The following OGFOD3 variants were observed in gnomAD, a reference collection of about 807,000 sequenced individuals.
OGFOD3 encodes the protein 2-oxoglutarate and iron dependent oxygenase domain containing 3, also known as 2-oxoglutarate and iron-dependent oxygenase domain-containing protein 3.
Under a neutral mutation model 39.8 loss-of-function variants are expected in OGFOD3, and 35 were observed. That is an observed-to-expected ratio of 0.88 (90% confidence interval 0.67 to 1.17). OGFOD3 has a LOEUF of 1.17. Ranked by LOEUF, OGFOD3 falls within the 50% of genes most tolerant of loss-of-function variation. The pLI is 0.00. For missense variants in OGFOD3, 438 were observed against 454.5 expected, an observed-to-expected ratio of 0.96 and a Z score of 0.33; for synonymous variants, 200 against 192.0, an observed-to-expected ratio of 1.04 and a Z score of -0.34.
intron 5 of OGFOD3, among the ~76,000 whole-genome samples, 158 bp from the exon 6 acceptor site, chr17:82,405,538 G>A (rs2052841852): frequency 6.6e-6 from 1 of 152,258 alleles, no homozygotes. Context: ...AGCCGGGCCG[G>A]GCGCAGTGGC....
chr17:82,398,241 T>C lies in OGFOD3; in HGVS notation c.778A>G (p.Met260Val), dbSNP rs140095785. Reference sequence around the variant, plus strand: ...TTGTTGGCACCCTCCTCCATGAACATGAACCGCCCTCCGCCGAAGTCCTCC... The same window carrying C: ...TTGTTGGCACCCTCCTCCATGAACACGAACCGCCCTCCGCCGAAGTCCTCC... ...YLEDFGGGRFMFMEEGANKTV... is the reference protein window; with the variant it reads ...YLEDFGGGRFVFMEEGANKTV... Residue 260 changes from methionine (M) to valine (V), a missense_variant, in exon 8 of 9, where the codon ATG (methionine) becomes GTG (valine). By Grantham distance (21) the Met-to-Val change is conservative (BLOSUM62 1). Coordinates refer to ENST00000313056, the MANE Select transcript of OGFOD3 (RefSeq NM_024648.3). 123 of 1,613,956 alleles carry C rather than the reference T, an allele frequency of 7.6e-5. No individual in the cohort carries two copies. The highest frequency in any genetic ancestry group is 9.4e-5 in the Non-Finnish European group (111 of 1,180,008).
rs1316214613 is a variant in OGFOD3, at chr17:82,415,551, C to T, written c.151G>A (p.Ala51Thr). The stretch of plus-strand genomic sequence containing the variant: ...AGGAGTGCGGTGAGCACAAAGCCAG[C>T]CCCCAGGCCCGCGGTCCTTAGCCAC... ...RPWLRTAGLGAGFVLTALLLW... is the reference protein window; with the variant it reads ...RPWLRTAGLGTGFVLTALLLW... The change falls in exon 2 of 9, where the codon GCT becomes ACT. Residue 51 changes from alanine (A) to threonine (T), a missense_variant. By Grantham distance (58) the Ala-to-Thr change is moderately conservative. Coordinates refer to ENST00000313056, the MANE Select transcript of OGFOD3 (RefSeq NM_024648.3). The surrounding 1 kb of genome is among the most constrained non-coding windows in gnomAD (Gnocchi z 5.3). 3 of 1,613,258 alleles carry T rather than the reference C, an allele frequency of 1.9e-6. No individual in the cohort carries two copies. Among genetic ancestry groups the T allele is most frequent in the Admixed American group, 3.3e-5 (2 of 59,988 alleles).
chr17:82,403,805 A>ACTCACCCTGCCCACGGGCACG, intron 7 of OGFOD3, 132 bp downstream of exon 7: 1 of 1,220,816 alleles, frequency 8.2e-7, no homozygotes, highest in Non-Finnish European at 1.1e-6. Flanking sequence ...CCACGTACGC[A>ACTCACCCTGCCCACGGGCACG]CTCACCCTGC....
At chr17:82,411,572 A>G (rs369277308) in intron 2 of OGFOD3, 42 bp from the exon 3 acceptor site, 24 of 1,543,898 alleles carry the variant, frequency 1.6e-5, no homozygotes, top group Non-Finnish European at 2.1e-5. Flanking sequence ...TTCCAAGGCC[A>G]CCGGCGCATG....
rs770986419 is a variant in OGFOD3, at chr17:82,406,531, G to A, written c.424-49C>T. ...AGCGTGCAGCCGCAGCAATGGCAATGGCTGTTAAAAGTCATGGATGGTAAA... is the reference window on the plus strand; with the variant it reads ...AGCGTGCAGCCGCAGCAATGGCAATAGCTGTTAAAAGTCATGGATGGTAAA... On this transcript the variant is annotated intron_variant, in intron 4 of 8. Coordinates refer to ENST00000313056, the MANE Select transcript of OGFOD3 (RefSeq NM_024648.3). The surrounding 1 kb of genome is among the most constrained non-coding windows in gnomAD (Gnocchi z 5.2). 1 of 1,511,070 alleles carries A rather than the reference G, an allele frequency of 6.6e-7. No individual in the cohort carries two copies. Among genetic ancestry groups the A allele is most frequent in the Non-Finnish European group, 9.2e-7 (1 of 1,086,388 alleles). The allele number at this position is 1,511,070 out of a possible 1,614,324, so 93.6% of individuals were successfully genotyped here. A position where few individuals can be genotyped will look rare whatever the true frequency, so the allele number is the denominator to read the frequency against.
intron 8 of OGFOD3, 58 bp downstream of exon 8, chr17:82,398,137 AC>A: frequency 1.2e-6 from 2 of 1,606,378 alleles, no homozygotes; most frequent in Admixed American, 1.7e-5. Flanking sequence ...CGCCCCCCAC[AC>A]CCACCGTGCT....
chr17:82,394,743 C>T (rs2052646268), intron 8 of OGFOD3, among the ~76,000 whole-genome samples: 1 of 152,202 alleles, frequency 6.6e-6, no homozygotes, highest in African/African-American at 2.4e-5. Flanking sequence ...TCCACACTGA[C>T]AGTGTCACTT....
In OGFOD3 at chr17:82,392,226, TG is replaced by T; in HGVS notation, c.*171del. On this transcript the variant is annotated 3_prime_UTR_variant, in exon 9 of 9. Coordinates refer to ENST00000313056, the MANE Select transcript of OGFOD3 (RefSeq NM_024648.3). The surrounding 1 kb of genome is among the most constrained non-coding windows in gnomAD (Gnocchi z 4.2). ...ACATGATGCTGGAGAAGTGAAAAGC[TG>T]GTTCCCTTCATTTACTCACAGATGA... The T allele has an allele frequency of 1.3e-6, 1 of 750,298 alleles. No individual in the cohort carries two copies. 46.5% of individuals were successfully genotyped at this position (750,298 alleles called of 1,614,324 possible).
chr17:82,403,470 A>G (rs1486649766), intron 7 of OGFOD3, among the ~76,000 whole-genome samples: 4 of 152,150 alleles, frequency 2.6e-5, no homozygotes, highest in Admixed American at 6.5e-5. Flanking sequence ...CGTCTCTACT[A>G]AAAATACAAA....
intron 4 of OGFOD3, among the ~76,000 whole-genome samples, chr17:82,407,437 A>G (rs1049058751): frequency 1.8e-4 from 27 of 152,198 alleles, no homozygotes; most frequent in African/African-American, 5.5e-4. Context: ...AATGCCTCAC[A>G]GCGGTGCTCC....
chr17:82,392,460 C>T lies in OGFOD3; in HGVS notation c.898G>A (p.Ala300Thr), dbSNP rs34656422. The T allele has an allele frequency of 2.9e-5, 46 of 1,612,052 alleles. No homozygotes were observed. The Admixed American group carries it at 5.0e-4, about 18-fold the overall frequency. The stretch of plus-strand genomic sequence containing the variant: ...TTGCAGCTGAAGGCGATGGTGATGG[C>T]GTAACGGGTGCCCCAGTGGACCTTC... Reference protein sequence around the residue: ...VEKVHWGTRYAITIAFSCNPD... With the variant: ...VEKVHWGTRYTITIAFSCNPD... Residue 300 changes from alanine (A) to threonine (T), a missense_variant, in exon 9 of 9, where the codon GCC becomes ACC. Coordinates refer to ENST00000313056, the MANE Select transcript of OGFOD3 (RefSeq NM_024648.3). The surrounding 1 kb of genome is among the most constrained non-coding windows in gnomAD (Gnocchi z 4.2).
chr17:82,402,501 C>T (rs2052782910), intron 7 of OGFOD3, among the ~76,000 whole-genome samples: 1 of 151,656 alleles, frequency 6.6e-6, no homozygotes, highest in Non-Finnish European at 1.5e-5. Context: ...AATCCCAGCA[C>T]TTTGGGAGGC....
intron 2 of OGFOD3, among the ~76,000 whole-genome samples, chr17:82,414,194 C>G (rs1247295394): frequency 1.3e-5 from 2 of 152,148 alleles, no homozygotes; most frequent in African/African-American, 4.8e-5. Context: ...GTGGCACACT[C>G]TAGGTTCACT....
At position 82,392,158 on chromosome 17, in the gene OGFOD3, T is replaced by C; in HGVS notation, c.*240A>G. On this transcript the variant is annotated 3_prime_UTR_variant, in exon 9 of 9. Transcript: ENST00000313056. The surrounding 1 kb of genome is among the most constrained non-coding windows in gnomAD (Gnocchi z 4.2). ...TGTGCCCCGTCCTGCTGGGTCCCTT[T>C]CCTGGCCTCCACCTCAGGCTCCCAG... 5 of 573,932 alleles carry C rather than the reference T, an allele frequency of 8.7e-6. No homozygotes were observed. Among genetic ancestry groups the C allele is most frequent in the Non-Finnish European group, 1.5e-5 (5 of 325,962 alleles). 35.6% of individuals were successfully genotyped at this position (573,932 alleles called of 1,614,324 possible).
At chr17:82,396,047 CAT>C (rs1781774646) in intron 8 of OGFOD3, among the ~76,000 whole-genome samples, 1 of 150,664 alleles carries the variant, frequency 6.6e-6, no homozygotes, top group Admixed American at 6.6e-5. Flanking sequence ...CAGGTAAACA[CAT>C]AGATAACACA....
rs780851031 is a variant in OGFOD3, at chr17:82,415,563, C to T, written c.139G>A (p.Ala47Thr). 21 of 1,613,340 alleles carry T rather than the reference C, an allele frequency of 1.3e-5. No homozygotes were observed. Among genetic ancestry groups the T allele is most frequent in the South Asian group, 9.9e-5 (9 of 91,074 alleles). The change falls in exon 2 of 9, where the codon GCG becomes ACG. Residue 47 changes from alanine to threonine, a missense_variant. By Grantham distance (58) the Ala-to-Thr change is moderately conservative (BLOSUM62 0). Coordinates refer to ENST00000313056, the MANE Select transcript of OGFOD3 (RefSeq NM_024648.3). The surrounding 1 kb of genome is among the most constrained non-coding windows in gnomAD (Gnocchi z 5.3). ...AGCACAAAGCCAGCCCCCAGGCCCG[C>T]GGTCCTTAGCCACGGCCTCTGCCAC... The part of the protein sequence containing the change: ...RLWQRPWLRT[A>T]GLGAGFVLTA...
At chr17:82,410,653 A>G (rs1446992462) in intron 3 of OGFOD3, among the ~76,000 whole-genome samples, 1 of 150,256 alleles carries the variant, frequency 6.7e-6, no homozygotes, top group East Asian at 2.0e-4. Flanking sequence ...GCTGAGGGCC[A>G]TGGTCTCCTC....
At position 82,415,823 on chromosome 17, in the gene OGFOD3, C is replaced by G. The variant is rs2053024150; in HGVS notation, c.75-196G>C. On this transcript the variant is annotated intron_variant, in intron 1 of 8. Transcript: ENST00000313056. This position sits in a 1 kb window ranked among gnomAD's most constrained non-coding sequence, Gnocchi z 5.3. ...TCCCTCCCTTTCCCTTCAGGGATCT[C>G]CAATACACACTAACTGCCTTCTGAG... 6.6e-6 allele frequency among the ~76,000 whole-genome samples: 1 copy of G among 152,006 alleles called. No individual in the cohort carries two copies. Among genetic ancestry groups the G allele is most frequent in the East Asian group, 1.9e-4 (1 of 5,190 alleles).
At chr17:82,396,611 T>A (rs1357798916) in intron 8 of OGFOD3, 1 of 152,240 alleles carries the variant, frequency 6.6e-6, no homozygotes, top group Non-Finnish European at 1.5e-5. Context: ...ACTCAAGTAT[T>A]TATCATGCTT....
Sources: gnomAD v4.1 joint callset for allele counts (sites outside exome capture counted in the v4.1 genomes callset) on GRCh38, gnomAD v4.1.1 for gene constraint, Gnocchi (gnomAD v3.1) non-coding constraint, MANE v1.5 for transcripts, NCBI Gene and HGNC (gene_info 2026-07-23, HGNC 2026-07-21) for gene names.